GRID2: variants seen among roughly 807,000 people sequenced by gnomAD.
The protein encoded by GRID2 is glutamate ionotropic receptor delta type subunit 2.
GRID2 carries 33 observed loss-of-function variants against 114.8 expected under a neutral mutation model. That is an observed-to-expected ratio of 0.29 (90% CI 0.22 to 0.38). The LOEUF (loss-of-function observed/expected upper bound fraction) is 0.38. GRID2 is among the 10% of genes least tolerant of loss of function. GRID2 has a pLI of 1.00. For missense variants in GRID2, 1,184 were observed against 1,257.7 expected, an observed-to-expected ratio of 0.94 and a Z score of 0.89; for synonymous variants, 505 against 449.9, an observed-to-expected ratio of 1.12 and a Z score of -1.55.
chr4:92,833,578 A>T (rs970451550), intron 2 of GRID2: 1 of 152,220 alleles, frequency 6.6e-6, no homozygotes, highest in African/African-American at 2.4e-5. Flanking sequence ...AACATGAGCA[A>T]GTTTTTACCA....
intron 4 of GRID2, among the ~76,000 whole-genome samples, chr4:93,176,126 C>A (rs1739325223): frequency 6.6e-6 from 1 of 151,986 alleles, no homozygotes; most frequent in African/African-American, 2.4e-5. Context: ...ATATGTTCTG[C>A]CGATAATGGA....
intron 8 of GRID2, among the ~76,000 whole-genome samples, chr4:93,260,587 T>C (rs915820758): frequency 1.3e-5 from 2 of 151,816 alleles, no homozygotes; most frequent in Non-Finnish European, 3.0e-5. Flanking sequence ...GACAGCTTTA[T>C]GTTGTGACAT....
chr4:93,239,125 G>T (rs1747160371), intron 8 of GRID2, among the ~76,000 whole-genome samples: 2 of 145,402 alleles, frequency 1.4e-5, no homozygotes, highest in Non-Finnish European at 1.5e-5. Context: ...ATAAATTTTT[G>T]ATATATATAT....
intron 3 of GRID2, among the ~76,000 whole-genome samples, chr4:93,096,078 G>A (rs1282086512): frequency 1.3e-5 from 2 of 151,920 alleles, no homozygotes; most frequent in Non-Finnish European, 2.9e-5. Context: ...GGCATAGAGT[G>A]GGGTTGATTG....
At chr4:92,947,689 G>T (rs1025077194) in intron 2 of GRID2, among the ~76,000 whole-genome samples, 2 of 151,658 alleles carry the variant, frequency 1.3e-5, no homozygotes, top group African/African-American at 4.8e-5. Context: ...CTTCAGAGGT[G>T]TATATGGGTT....
chr4:92,523,013 C>T (rs938438828), intron 1 of GRID2, among the ~76,000 whole-genome samples: 1 of 151,722 alleles, frequency 6.6e-6, no homozygotes, highest in Non-Finnish European at 1.5e-5. Flanking sequence ...GGAGATAGTT[C>T]TGAAAGAATA....
At chr4:92,322,711 G>T (rs537628556) in intron 1 of GRID2, among the ~76,000 whole-genome samples, 35 of 152,118 alleles carry the variant, frequency 2.3e-4, no homozygotes, top group African/African-American at 8.4e-4. Context: ...GTTCCCCTAG[G>T]TATATTCTCT....
chr4:92,554,755 T>C (rs1327353890), intron 1 of GRID2, among the ~76,000 whole-genome samples: 3 of 152,280 alleles, frequency 2.0e-5, no homozygotes, highest in African/African-American at 7.2e-5. Context: ...TCTGTATAAA[T>C]ATTTTTCTCA....
At chr4:92,504,164 T>C (rs1380206278) in intron 1 of GRID2, among the ~76,000 whole-genome samples, 2 of 152,060 alleles carry the variant, frequency 1.3e-5, no homozygotes, top group African/African-American at 4.8e-5. Context: ...TTTTGATGAA[T>C]GAGTAAAATT....
At chr4:93,441,197 T>G (rs959093963) in intron 10 of GRID2, among the ~76,000 whole-genome samples, 4 of 152,058 alleles carry the variant, frequency 2.6e-5, no homozygotes, top group African/African-American at 7.2e-5. Flanking sequence ...GGAGATAAAA[T>G]TAATGAGTAA....
chr4:92,453,885 CTGTT>C (rs1352684190), intron 1 of GRID2, among the ~76,000 whole-genome samples: 2 of 152,126 alleles, frequency 1.3e-5, no homozygotes, highest in East Asian at 3.8e-4. Flanking sequence ...AGACCACTGA[CTGTT>C]TCTTTCTTAC....
chr4:92,467,224 G>A (rs181510912), intron 1 of GRID2, among the ~76,000 whole-genome samples: 70 of 151,782 alleles, frequency 4.6e-4, no homozygotes, highest in Admixed American at 1.3e-3. Flanking sequence ...TATTTATCAC[G>A]TTGATTATAA....
At chr4:92,505,417 TCTTC>T (rs1723911081) in intron 1 of GRID2, among the ~76,000 whole-genome samples, 1 of 152,100 alleles carries the variant, frequency 6.6e-6, no homozygotes, top group Non-Finnish European at 1.5e-5. Flanking sequence ...TTTTCTTCTT[TCTTC>T]CTTCTTCCTT....
chr4:93,041,512 A>T (rs1725513325), intron 2 of GRID2, among the ~76,000 whole-genome samples: 1 of 152,172 alleles, frequency 6.6e-6, no homozygotes. Flanking sequence ...GTTGTAGTTA[A>T]ACTCATATGA....
chr4:93,272,514 A>C (rs1751573422), intron 8 of GRID2, among the ~76,000 whole-genome samples: 1 of 152,166 alleles, frequency 6.6e-6, no homozygotes, highest in Admixed American at 6.6e-5. Flanking sequence ...CTCTAGCGCA[A>C]GGGAGTGCAT....
In GRID2 at chr4:92,653,626, T is replaced by G. The variant is rs117421469; in HGVS notation, c.244+63340T>G. Among the ~76,000 whole-genome samples, 5 of 152,150 alleles carry G rather than the reference T, an allele frequency of 3.3e-5. No individual in the cohort carries two copies. In the East Asian group the frequency reaches 7.7e-4, roughly 24 times the overall value. The stretch of plus-strand genomic sequence containing the variant: ...ATTTTGGTAAAACTAAAAAATGAAT[T>G]TAAATGTTCATTGATTTTAATGAGG... On this transcript the variant is annotated intron_variant, in intron 2 of 15. Coordinates refer to ENST00000282020, the MANE Select transcript of GRID2 (RefSeq NM_001510.4).
intron 14 of GRID2, among the ~76,000 whole-genome samples, chr4:93,682,675 G>A (rs1255386503): frequency 1.3e-5 from 2 of 151,230 alleles, no homozygotes; most frequent in African/African-American, 4.9e-5. Context: ...GTAAACTATT[G>A]CAAAGACAAA....
chr4:92,807,355 G>A (rs1740469287), intron 2 of GRID2, among the ~76,000 whole-genome samples: 1 of 151,858 alleles, frequency 6.6e-6, no homozygotes, highest in African/African-American at 2.4e-5. Flanking sequence ...CAACATATAT[G>A]TTGATTAAAG....
intron 2 of GRID2, among the ~76,000 whole-genome samples, chr4:92,709,572 GAAAAAAAAA>G (rs767320278): frequency 9.9e-6 from 1 of 101,042 alleles, no homozygotes; most frequent in African/African-American, 3.6e-5. Context: ...ATAGTGTAGA[GAAAAAAAAA>G]AAAAAAAAAT....
Sources: gnomAD v4.1 joint callset for allele counts (sites outside exome capture counted in the v4.1 genomes callset) on GRCh38, gnomAD v4.1.1 for gene constraint, MANE v1.5 for transcripts, NCBI Gene and HGNC (gene_info 2026-07-23, HGNC 2026-07-21) for gene names.